The following CEP83 variants were observed in gnomAD, a reference collection of about 807,000 sequenced individuals.
The protein encoded by CEP83 is centrosomal protein of 83 kDa.
Under a neutral mutation model 101.9 loss-of-function variants are expected in CEP83, and 70 were observed. The observed-to-expected ratio is 0.69, with a 90% CI of 0.57 to 0.84. The LOEUF is 0.84. CEP83 is among the 40% of genes least tolerant of loss of function. The probability of loss-of-function intolerance (pLI) is 0.00; values close to 1 mark genes in which losing one functional copy is unlikely to be tolerated. For missense variants in CEP83, 715 were observed against 787.2 expected, an observed-to-expected ratio of 0.91 and a Z score of 1.10; for synonymous variants, 264 against 267.9, an observed-to-expected ratio of 0.99 and a Z score of 0.14.
chr12:94,430,208 T>G (rs978969333), intron 2 of CEP83, among the ~76,000 whole-genome samples: 6 of 151,854 alleles, frequency 4.0e-5, no homozygotes, highest in African/African-American at 1.5e-4. Context: ...GCTACTAACA[T>G]CACAGCAAGA....
At chr12:94,326,115 G>C (rs149306345) in intron 14 of CEP83, among the ~76,000 whole-genome samples, 3 of 152,010 alleles carry the variant, frequency 2.0e-5, no homozygotes, top group African/African-American at 7.2e-5. Flanking sequence ...GAAGGGGAGG[G>C]GGCTGGAAAC....
chr12:94,291,536 A>G, the CEP83 span, among the ~76,000 whole-genome samples: 1 of 152,210 alleles, frequency 6.6e-6, no homozygotes, highest in African/African-American at 2.4e-5. Context: ...CAGCCAAAAT[A>G]TAATTCATAT....
chr12:94,423,590 A>G (rs2064948176), intron 2 of CEP83, among the ~76,000 whole-genome samples: 1 of 151,566 alleles, frequency 6.6e-6, no homozygotes. Context: ...TTCTTTTTCC[A>G]GGCCCAGGCC....
At chr12:94,346,440 G>A (rs926403150) in intron 11 of CEP83, among the ~76,000 whole-genome samples, 3 of 136,120 alleles carry the variant, frequency 2.2e-5, no homozygotes, top group African/African-American at 5.9e-5. Flanking sequence ...AGAGCGAGAC[G>A]CCGTCTCAAA....
chr12:94,429,567 C>T (rs1345676518), intron 2 of CEP83, among the ~76,000 whole-genome samples: 3 of 152,196 alleles, frequency 2.0e-5, no homozygotes. Flanking sequence ...CAGCCCACAG[C>T]TACCACCATG....
At chr12:94,328,519 C>T (rs2059069288) in intron 14 of CEP83, among the ~76,000 whole-genome samples, 1 of 152,168 alleles carries the variant, frequency 6.6e-6, no homozygotes, top group Non-Finnish European at 1.5e-5. Context: ...TAATTTGTGA[C>T]TTTTGTTACA....
chr12:94,268,003 G>A, the CEP83 span, among the ~76,000 whole-genome samples: 5 of 152,202 alleles, frequency 3.3e-5, no homozygotes, highest in South Asian at 4.2e-4. Flanking sequence ...CTGGGGAGGT[G>A]GGAGGTTGGG....
In CEP83 at chr12:94,435,308, C is replaced by T. The variant is rs977961912; in HGVS notation, c.-135G>A. On this transcript the variant is annotated 5_prime_UTR_variant, in exon 2 of 17. Coordinates refer to ENST00000397809, the MANE Select transcript of CEP83 (RefSeq NM_016122.3). ...AAAGTAGGTCATAAGATCCTCAATC[C>T]AGAGGTGTCCTCCCTATACCTGTAG... 1 of 152,182 alleles carries T rather than the reference C, an allele frequency of 6.6e-6. No homozygotes were observed. The highest frequency in any genetic ancestry group is 2.4e-5 in the African/African-American group (1 of 41,438). 9.4% of individuals were successfully genotyped at this position (152,182 alleles called of 1,614,324 possible). A position where few individuals can be genotyped will look rare whatever the true frequency, so the allele number is the denominator to read the frequency against.
chr12:94,452,181 G>T (rs1479409584), intron 1 of CEP83, among the ~76,000 whole-genome samples: 3 of 152,128 alleles, frequency 2.0e-5, no homozygotes, highest in Non-Finnish European at 4.4e-5. Context: ...CTCTGGGGCT[G>T]TGGGAAGGAG....
intron 1 of CEP83, among the ~76,000 whole-genome samples, chr12:94,442,006 A>T (rs1402780347): frequency 6.6e-6 from 1 of 152,106 alleles, no homozygotes. Context: ...AAAAGAAGTC[A>T]TTATATGAAA....
chr12:94,370,183 C>T (rs2061233780), intron 8 of CEP83, 147 bp from the exon 9 acceptor site: 1 of 587,606 alleles, frequency 1.7e-6, no homozygotes, highest in East Asian at 2.8e-5. Flanking sequence ...TCAGTGCCTG[C>T]AACAGTACTT....
At chr12:94,385,887 A>G (rs2062116021) in intron 6 of CEP83, among the ~76,000 whole-genome samples, 1 of 152,132 alleles carries the variant, frequency 6.6e-6, no homozygotes, top group African/African-American at 2.4e-5. Context: ...CTATGTTTAG[A>G]TATGTTTAGG....
In CEP83 at chr12:94,430,520, G is replaced by C. The variant is rs565192392; in HGVS notation, c.-102+4755C>G. 2.6e-5 allele frequency among the ~76,000 whole-genome samples: 4 copies of C among 150,996 alleles called. No individual in the cohort carries two copies. The South Asian group carries it at 8.4e-4, about 32-fold the overall frequency. On this transcript the variant is annotated intron_variant, in intron 2 of 16. Transcript: ENST00000397809. ...CTTCAACAACAGACTAGATCAAGCA[G>C]AAGAAAGAATCTCAGAACCTGAAGA...
intron 1 of CEP83, among the ~76,000 whole-genome samples, chr12:94,455,316 G>T (rs745634711): frequency 1.3e-5 from 2 of 152,134 alleles, no homozygotes; most frequent in Non-Finnish European, 2.9e-5. Context: ...TCAGAGATAG[G>T]CAATGCAACT....
At chr12:94,378,480 A>G (rs1171275066) in intron 7 of CEP83, among the ~76,000 whole-genome samples, 1 of 152,176 alleles carries the variant, frequency 6.6e-6, no homozygotes, top group African/African-American at 2.4e-5. Flanking sequence ...AGATGACTTT[A>G]CGCTCAGAAA....
At chr12:94,346,561 T>TA (rs1368624275) in intron 11 of CEP83, among the ~76,000 whole-genome samples, 1 of 152,028 alleles carries the variant, frequency 6.6e-6, no homozygotes. Context: ...AACCCCAACT[T>TA]AAAAACCTGG....
At chr12:94,389,051 A>T (rs10745683) in intron 6 of CEP83, among the ~76,000 whole-genome samples, 1 of 152,074 alleles carries the variant, frequency 6.6e-6, no homozygotes, top group African/African-American at 2.4e-5. Context: ...TGCTTAAACC[A>T]AGGAGGCAGA....
At chr12:94,304,319 T>G (rs17243215), downstream of CEP83, 37,058 of 331,744 alleles carry the variant, frequency 0.11, 2,421 homozygotes, top group Non-Finnish European at 0.13. Flanking sequence ...TCAAGTTAAC[T>G]TTGATGAGTA....
intron 14 of CEP83, among the ~76,000 whole-genome samples, chr12:94,317,784 T>C (rs1970951465): frequency 6.6e-6 from 1 of 152,194 alleles, no homozygotes; most frequent in Admixed American, 6.5e-5. Flanking sequence ...GTGTTTGTTT[T>C]TGTATCAATA....
Sources: gnomAD v4.1 joint callset for allele counts (sites outside exome capture counted in the v4.1 genomes callset) on GRCh38, gnomAD v4.1.1 for gene constraint, MANE v1.5 for transcripts, NCBI Gene and HGNC (gene_info 2026-07-23, HGNC 2026-07-21) for gene names.